Variants in CSMD1 observed in about 807,000 individuals in gnomAD.
The protein encoded by CSMD1 is CUB and Sushi multiple domains 1.
A neutral mutation model predicts 417.5 loss-of-function variants in CSMD1; 213 were observed. That is an observed-to-expected ratio of 0.51 (90% CI 0.46 to 0.57). The LOEUF (loss-of-function observed/expected upper bound fraction) is 0.57, where lower values mean the gene tolerates loss of function less well. Among genes scored for constraint, CSMD1 ranks in the 20% least tolerant of loss-of-function variants. CSMD1 has a pLI of 0.00. For synonymous variants in CSMD1, 2,862 were observed against 1,736.8 expected (o/e 1.65, Z -16.11); for missense variants, 6,923 against 4,529.7 (o/e 1.53, Z -15.17).
At chr8:3,775,810 T>G (rs1798859359) in intron 5 of CSMD1, among the ~76,000 whole-genome samples, 1 of 152,252 alleles carries the variant, frequency 6.6e-6, no homozygotes, top group African/African-American at 2.4e-5. Context: ...GATGTCATCA[T>G]GGGGTCCATT....
At position 3,408,176 on chromosome 8, in the gene CSMD1, T is replaced by C; in HGVS notation, c.1794A>G (p.Pro598=). Residue 598 remains proline (P), a synonymous_variant, in exon 14 of 70, where the codon CCA becomes CCG. Coordinates refer to ENST00000635120, the MANE Select transcript of CSMD1 (RefSeq NM_033225.6). The part of the protein sequence containing the change: ...FTASSGIILS[P]NYPEEYGNNM... ...TGTTCCCATATTCCTCTGGATAATT[T>C]GGTGACAGAATAATCCCAGATGATG... The C allele has an allele frequency of 6.2e-7, 1 of 1,612,530 alleles. No individual in the cohort carries two copies. Among genetic ancestry groups the C allele is most frequent in the Non-Finnish European group, 8.5e-7 (1 of 1,179,128 alleles).
At chr8:4,611,542 T>G (rs1000886079) in intron 2 of CSMD1, among the ~76,000 whole-genome samples, 3 of 152,188 alleles carry the variant, frequency 2.0e-5, no homozygotes, top group African/African-American at 7.2e-5. Flanking sequence ...CCCGTATATG[T>G]ATTGCCAAAT....
At chr8:4,547,918 G>A (rs566808924) in intron 2 of CSMD1, among the ~76,000 whole-genome samples, 2 of 152,220 alleles carry the variant, frequency 1.3e-5, no homozygotes, top group East Asian at 1.9e-4. Flanking sequence ...AATAAAGGCC[G>A]AGAAAACAAC....
At chr8:4,723,414 A>G (rs1809193018) in intron 1 of CSMD1, among the ~76,000 whole-genome samples, 2 of 152,160 alleles carry the variant, frequency 1.3e-5, no homozygotes, top group Admixed American at 1.3e-4. Flanking sequence ...AAGAGGGTTT[A>G]ATACTTTGGA....
At chr8:4,603,082 T>C (rs1335977343) in intron 2 of CSMD1, among the ~76,000 whole-genome samples, 1 of 152,012 alleles carries the variant, frequency 6.6e-6, no homozygotes, top group Non-Finnish European at 1.5e-5. Flanking sequence ...AAATATCTAA[T>C]AAGGGAATAA....
At chr8:4,237,942 G>A (rs1802165275) in intron 3 of CSMD1, among the ~76,000 whole-genome samples, 1 of 152,190 alleles carries the variant, frequency 6.6e-6, no homozygotes, top group South Asian at 2.1e-4. Flanking sequence ...CGGAGAAGCA[G>A]AGTCTCCAGG....
intron 1 of CSMD1, among the ~76,000 whole-genome samples, chr8:4,891,032 T>C (rs909248687): frequency 3.3e-5 from 5 of 152,140 alleles, no homozygotes; most frequent in African/African-American, 1.2e-4. Context: ...TATGTGGAAA[T>C]GGTTCCATTC....
intron 4 of CSMD1, among the ~76,000 whole-genome samples, chr8:4,002,723 A>G (rs1428966398): frequency 6.6e-6 from 1 of 152,226 alleles, no homozygotes; most frequent in Non-Finnish European, 1.5e-5. Context: ...ATATGATTAA[A>G]TGTACATCAT....
intron 1 of CSMD1, among the ~76,000 whole-genome samples, chr8:4,980,601 T>C (rs1489805186): frequency 2.0e-5 from 3 of 152,166 alleles, no homozygotes; most frequent in Admixed American, 6.5e-5. Context: ...AAGGTCACTT[T>C]GAATTCAAAA....
At chr8:3,329,958 A>G (rs757702775) in intron 23 of CSMD1, among the ~76,000 whole-genome samples, 24 of 152,202 alleles carry the variant, frequency 1.6e-4, no homozygotes, top group Non-Finnish European at 3.4e-4. Context: ...TTAATATACA[A>G]TCATCTATTG....
At chr8:4,496,831 A>C (rs1802002543) in intron 2 of CSMD1, among the ~76,000 whole-genome samples, 1 of 152,304 alleles carries the variant, frequency 6.6e-6, no homozygotes. Context: ...ATCAAGGTTT[A>C]GAAAAATGAG....
At chr8:4,188,792 C>T (rs1798838209) in intron 3 of CSMD1, among the ~76,000 whole-genome samples, 1 of 104,510 alleles carries the variant, frequency 9.6e-6, no homozygotes, top group South Asian at 4.2e-4. Context: ...AAAGAAACTC[C>T]AGGATGAATA....
At chr8:3,536,969 A>G (rs1331590220) in intron 10 of CSMD1, among the ~76,000 whole-genome samples, 2 of 152,078 alleles carry the variant, frequency 1.3e-5, no homozygotes, top group Admixed American at 6.6e-5. Flanking sequence ...CACATGCAAC[A>G]TTGTGCAACA....
chr8:4,083,191 C>T (rs922332769), intron 3 of CSMD1, among the ~76,000 whole-genome samples: 3 of 152,162 alleles, frequency 2.0e-5, no homozygotes, highest in Non-Finnish European at 4.4e-5. Context: ...AATTGCCACA[C>T]TGACTTCCAC....
At chr8:2,952,329 G>C (rs1054096916) in intron 65 of CSMD1, among the ~76,000 whole-genome samples, 2 of 152,126 alleles carry the variant, frequency 1.3e-5, no homozygotes, top group African/African-American at 4.8e-5. Context: ...GAGGACAAAA[G>C]TATATTGTTC....
In CSMD1 at chr8:3,587,868, T is replaced by A. The variant is rs188344894; in HGVS notation, c.1098-1608A>T. Among the ~76,000 whole-genome samples the A allele has an allele frequency of 1.2e-3, 186 of 152,142 alleles. 2 individuals are homozygous for A. Among genetic ancestry groups the A allele is most frequent in the South Asian group, 9.4e-3 (45 of 4,770 alleles). ...CACCAGGAATCTAGGACAACTAGAG[T>A]TCTATGGAACTAATTTTGAGAAACC... On this transcript the variant is annotated intron_variant, in intron 8 of 69. Coordinates refer to ENST00000635120, the MANE Select transcript of CSMD1 (RefSeq NM_033225.6).
At chr8:4,118,767 G>T (rs371488875) in intron 3 of CSMD1, among the ~76,000 whole-genome samples, 1 of 152,058 alleles carries the variant, frequency 6.6e-6, no homozygotes, top group Non-Finnish European at 1.5e-5. Flanking sequence ...AATATGAATC[G>T]TTCTACTATA....
intron 29 of CSMD1, among the ~76,000 whole-genome samples, chr8:3,217,934 C>G (rs1468540703): frequency 1.3e-5 from 2 of 152,010 alleles, no homozygotes; most frequent in African/African-American, 2.4e-5. Context: ...ACCCTCCTAA[C>G]TGTGAATTGA....
intron 3 of CSMD1, among the ~76,000 whole-genome samples, chr8:4,156,529 T>C (rs1041730628): frequency 3.3e-5 from 5 of 152,234 alleles, no homozygotes; most frequent in African/African-American, 9.6e-5. Context: ...GTTCCTCTTA[T>C]TTGACTTACT....
Sources: gnomAD v4.1 joint callset for allele counts (sites outside exome capture counted in the v4.1 genomes callset) on GRCh38, gnomAD v4.1.1 for gene constraint, MANE v1.5 for transcripts, NCBI Gene and HGNC (gene_info 2026-07-23, HGNC 2026-07-21) for gene names.